WEE1: variants seen among roughly 807,000 people sequenced by gnomAD.
WEE1 encodes WEE1 G2 checkpoint kinase.
A neutral mutation model predicts 68.8 loss-of-function variants in WEE1; 16 were observed. The ratio of observed to expected loss-of-function variants is 0.23; its 90% CI spans 0.16 to 0.35. The LOEUF is 0.35. Among genes scored for constraint, WEE1 ranks in the 10% least tolerant of loss-of-function variants. The pLI is 1.00. For synonymous variants in WEE1, 349 were observed against 318.7 expected, an observed-to-expected ratio of 1.09 and a Z score of -1.01; for missense variants, 651 against 824.1, an observed-to-expected ratio of 0.79 and a Z score of 2.57.
At chr11:9,587,006 G>A (rs1346510556) in intron 10 of WEE1, 150 bp downstream of exon 10, 1 of 876,206 alleles carries the variant, frequency 1.1e-6, no homozygotes, top group Non-Finnish European at 1.7e-6. Context: ...CTGTCATCAG[G>A]CTGGAGTGCA....
rs1849538903 is a variant in WEE1 at position 9,574,278 on chromosome 11, G to A, written c.345G>A (p.Glu115=). The A allele has an allele frequency of 2.4e-6, 3 of 1,243,952 alleles. No homozygotes were observed. The highest frequency in any genetic ancestry group is 3.0e-6 in the Non-Finnish European group (3 of 993,360). The allele number at this position is 1,243,952 out of a possible 1,614,324, so 77.1% of individuals were successfully genotyped here. The change falls in exon 1 of 11, where the codon GAG becomes GAA. Residue 115 remains glutamate, a synonymous_variant. Coordinates refer to ENST00000450114, the MANE Select transcript of WEE1 (RefSeq NM_003390.4). This position sits in a 1 kb window ranked among gnomAD's most constrained non-coding sequence, Gnocchi z 4.9. ...AGGGAEGDSW[E]EEGFGSSSPV... ...GTGGGGCGGAGGGCGACTCGTGGGA[G>A]GAGGAGGGCTTCGGCTCCTCGTCGC...
chr11:9,586,391 A>C lies in WEE1; in HGVS notation c.1471-58A>C, dbSNP rs1037543001. 268 of 1,497,962 alleles carry C rather than the reference A, an allele frequency of 1.8e-4. 1 individual carries two copies. The highest frequency in any genetic ancestry group is 4.4e-5 in the Non-Finnish European group (48 of 1,094,952). 92.8% of individuals were successfully genotyped at this position (1,497,962 alleles called of 1,614,324 possible). ...TCACCTAAGTCATCTTTGAGGTGTA[A>C]TCTTGTTTTATTTTGACCATGTTTA... is the stretch of plus-strand genomic sequence containing the variant. On this transcript the variant is annotated intron_variant, in intron 8 of 10. Coordinates refer to ENST00000450114, the MANE Select transcript of WEE1 (RefSeq NM_003390.4).
Position 9,588,660 on chromosome 11 carries a change from C to T in WEE1, c.*58C>T. ...TGACAAGAGGAAGCTAGGTTGAAAT[C>T]ACTGATAGAATCCAGTTTGCAATTA... On this transcript the variant is annotated 3_prime_UTR_variant, in exon 11 of 11. Transcript: ENST00000450114. 1 of 1,421,024 alleles carries T rather than the reference C, an allele frequency of 7.0e-7. No individual in the cohort carries two copies. Among genetic ancestry groups the T allele is most frequent in the Non-Finnish European group, 9.2e-7 (1 of 1,085,758 alleles). 88.0% of individuals were successfully genotyped at this position (1,421,024 alleles called of 1,614,324 possible).
intron 4 of WEE1, 129 bp from the exon 5 acceptor site, chr11:9,577,013 T>C (rs1849571806): frequency 2.0e-6 from 2 of 1,011,530 alleles, no homozygotes; most frequent in African/African-American, 3.3e-5. Flanking sequence ...CCCTTCTCTC[T>C]TAAGCAAGTT....
At chr11:9,581,801 A>C in intron 6 of WEE1, 123 bp downstream of exon 6, 1 of 931,120 alleles carries the variant, frequency 1.1e-6, no homozygotes, top group Non-Finnish European at 1.6e-6. Context: ...AAAAGGCCTT[A>C]GATCCACTTA....
chr11:9,581,912 G>A (rs899873578), intron 6 of WEE1, among the ~76,000 whole-genome samples: 4 of 152,308 alleles, frequency 2.6e-5, no homozygotes, highest in African/African-American at 7.2e-5. Context: ...GGCCCAGGCC[G>A]GAATGCAGTG....
intron 6 of WEE1, among the ~76,000 whole-genome samples, chr11:9,583,786 CACACACACACACACACATAT>C (rs1849662563): frequency 6.4e-5 from 2 of 31,214 alleles, no homozygotes; most frequent in East Asian, 5.6e-4. Flanking sequence ...CACACACACA[CACACACACACACACACATAT>C]ATATATATAT....
rs930860061 is a variant in WEE1, at chr11:9,574,284, G to C, written c.351G>C (p.Glu117Asp). Residue 117 changes from glutamate to aspartate, a missense_variant, in exon 1 of 11, where the codon GAG (glutamate) becomes GAC (aspartate). Glu to Asp is a conservative substitution (Grantham distance 45). This residue lies in a region of WEE1 where 395 missense variants were observed against 378.4 expected (regional missense o/e 1.04). Coordinates refer to ENST00000450114, the MANE Select transcript of WEE1 (RefSeq NM_003390.4). The surrounding 1 kb of genome is among the most constrained non-coding windows in gnomAD (Gnocchi z 4.9). The part of the protein sequence containing the change: ...GGAEGDSWEE[E>D]GFGSSSPVKS... Reference sequence around the variant, plus strand: ...CGGAGGGCGACTCGTGGGAGGAGGAGGGCTTCGGCTCCTCGTCGCCGGTCA... The same window carrying C: ...CGGAGGGCGACTCGTGGGAGGAGGACGGCTTCGGCTCCTCGTCGCCGGTCA... 1 of 1,250,402 alleles carries C rather than the reference G, an allele frequency of 8.0e-7. No individual in the cohort carries two copies. Among genetic ancestry groups the C allele is most frequent in the Non-Finnish European group, 1.0e-6 (1 of 997,036 alleles). 77.5% of individuals were successfully genotyped at this position (1,250,402 alleles called of 1,614,324 possible).
chr11:9,585,170 C>A, intron 6 of WEE1, 88 bp from the exon 7 acceptor site: 2 of 1,036,904 alleles, frequency 1.9e-6, no homozygotes, highest in African/African-American at 1.6e-5. Context: ...TTTTAAAAAG[C>A]ATTATGGATG....
At chr11:9,577,721 T>TC in intron 5 of WEE1, 2 of 331,564 alleles carry the variant, frequency 6.0e-6, no homozygotes, top group Non-Finnish European at 1.2e-5. Flanking sequence ...CATTCTGTAG[T>TC]CCGGCCCTAC....
chr11:9,580,861 A>C (rs539179554), intron 5 of WEE1: 2 of 152,222 alleles, frequency 1.3e-5, no homozygotes, highest in Non-Finnish European at 2.9e-5. Flanking sequence ...TAATGAACAT[A>C]TGCTGTTATT....
intron 5 of WEE1, chr11:9,578,016 G>T: frequency 5.1e-6 from 2 of 393,116 alleles, no homozygotes; most frequent in South Asian, 1.9e-5. Flanking sequence ...ATCTTTTATG[G>T]ATTATTTCTC....
rs758698298 is a variant in WEE1, at chr11:9,573,973, C to T, written c.40C>T (p.Arg14Cys). Residue 14 changes from arginine to cysteine, a missense_variant, in exon 1 of 11, where the codon CGC becomes TGC. Around this residue, in one of 5 missense-constraint regions of WEE1, gnomAD observed 395 missense variants for 378.4 expected, o/e 1.04. Coordinates refer to ENST00000450114, the MANE Select transcript of WEE1 (RefSeq NM_003390.4). ...LSRQQPPPPR[R>C]AGAACTLRQK... ...CCGACAGCAGCCGCCGCCACCCCGC[C>T]GCGCCGGGGCGGCCTGCACCTTGCG... is the stretch of plus-strand genomic sequence containing the variant. The T allele has an allele frequency of 1.5e-6, 2 of 1,294,608 alleles. No homozygotes were observed. The highest frequency in any genetic ancestry group is 9.8e-7 in the Non-Finnish European group (1 of 1,021,046). The allele number at this position is 1,294,608 out of a possible 1,614,324, so 80.2% of individuals were successfully genotyped here.
At chr11:9,585,127 C>T in intron 6 of WEE1, 131 bp from the exon 7 acceptor site, 1 of 727,894 alleles carries the variant, frequency 1.4e-6, no homozygotes, top group Non-Finnish European at 2.3e-6. Flanking sequence ...GATGCTTATT[C>T]CATGGGTTTG....
chr11:9,575,142 T>C, intron 1 of WEE1: 1 of 985,544 alleles, frequency 1.0e-6, no homozygotes, highest in Non-Finnish European at 1.2e-6. Flanking sequence ...CCAGCATTTG[T>C]TTTTATCGTG....
At chr11:9,581,963 A>T (rs1369459477) in intron 6 of WEE1, among the ~76,000 whole-genome samples, 1 of 152,230 alleles carries the variant, frequency 6.6e-6, no homozygotes, top group Non-Finnish European at 1.5e-5. Context: ...TCCCGTGCTC[A>T]AGCAGTCATC....
intron 5 of WEE1, chr11:9,580,620 G>C (rs1183039638): frequency 1.3e-5 from 2 of 151,894 alleles, no homozygotes; most frequent in African/African-American, 2.4e-5. Flanking sequence ...ACCACACCCA[G>C]CTAATTTTTG....
At position 9,574,968 on chromosome 11, in the gene WEE1, G is replaced by A. The variant is rs1281947797; in HGVS notation, c.576+459G>A. The A allele has an allele frequency of 1.0e-6, 1 of 985,578 alleles. No homozygotes were observed. The highest frequency in any genetic ancestry group is 1.7e-5 in the African/African-American group (1 of 57,268). 61.1% of individuals were successfully genotyped at this position (985,578 alleles called of 1,614,324 possible). The stretch of plus-strand genomic sequence containing the variant: ...TAAAGAAAAATAATTGTCCCGCCCT[G>A]ATCGTGTCGTGTCGTGTGGCGTGGA... On this transcript the variant is annotated intron_variant, in intron 1 of 10. Coordinates refer to ENST00000450114, the MANE Select transcript of WEE1 (RefSeq NM_003390.4). This position sits in a 1 kb window ranked among gnomAD's most constrained non-coding sequence, Gnocchi z 4.9.
chr11:9,584,834 T>G (rs916889536), intron 6 of WEE1, among the ~76,000 whole-genome samples: 2 of 152,192 alleles, frequency 1.3e-5, no homozygotes, highest in Admixed American at 1.3e-4. Context: ...CCCAGCACTT[T>G]GGGAGGCTGA....
Sources: allele counts gnomAD v4.1 joint callset (sites outside exome capture counted in the v4.1 genomes callset), GRCh38; gene constraint gnomAD v4.1.1; regional missense constraint gnomAD v4.1.1; non-coding constraint Gnocchi (gnomAD v3.1); transcripts MANE v1.5; gene names NCBI Gene and HGNC (gene_info 2026-07-23, HGNC 2026-07-21).